The following DNAH3 variants were observed in gnomAD, a reference collection of about 807,000 sequenced individuals.
DNAH3 encodes dynein axonemal heavy chain 3, also known as axonemal beta dynein heavy chain 3.
A neutral mutation model predicts 432.5 loss-of-function variants in DNAH3; 332 were observed. The ratio of observed to expected loss-of-function variants is 0.77; its 90% CI spans 0.70 to 0.84. The LOEUF (loss-of-function observed/expected upper bound fraction) is 0.84. Ranked by LOEUF, DNAH3 falls within the 40% of genes least tolerant of loss-of-function variation. The pLI is 0.00. For missense variants in DNAH3, 4,861 were observed against 5,114.0 expected, an observed-to-expected ratio of 0.95 and a Z score of 1.51; for synonymous variants, 1,956 against 1,900.2, an observed-to-expected ratio of 1.03 and a Z score of -0.76.
chr16:21,030,705 T>C (rs1265401807), intron 37 of DNAH3, among the ~76,000 whole-genome samples: 2 of 152,226 alleles, frequency 1.3e-5, no homozygotes, highest in Admixed American at 6.5e-5. Context: ...ATTTTATTAC[T>C]ACCTTTCTAC....
intron 21 of DNAH3, among the ~76,000 whole-genome samples, 190 bp from the exon 22 acceptor site, chr16:21,071,016 G>A (rs575774096): frequency 6.6e-6 from 1 of 151,086 alleles, no homozygotes; most frequent in East Asian, 2.0e-4. Flanking sequence ...TCCCAAGTAG[G>A]TAGGACTACA....
intron 5 of DNAH3, among the ~76,000 whole-genome samples, chr16:21,138,363 G>A (rs965738798): frequency 2.6e-5 from 4 of 152,144 alleles, no homozygotes; most frequent in African/African-American, 9.7e-5. Context: ...AAGCTTTTCT[G>A]ATTTTAAGAA....
intron 53 of DNAH3, among the ~76,000 whole-genome samples, chr16:20,962,142 T>C (rs1414565138): frequency 7.9e-5 from 12 of 151,716 alleles, no homozygotes; most frequent in South Asian, 6.3e-4. Flanking sequence ...GCCTGGGCGA[T>C]AGAGCAAGAC....
intron 1 of DNAH3, among the ~76,000 whole-genome samples, chr16:21,152,794 G>A (rs1468311879): frequency 2.6e-5 from 4 of 152,230 alleles, no homozygotes; most frequent in African/African-American, 9.6e-5. Flanking sequence ...GCCCACCGGC[G>A]CTGCGCTCCA....
intron 31 of DNAH3, among the ~76,000 whole-genome samples, chr16:21,048,641 G>C (rs959845999): frequency 1.3e-5 from 2 of 151,912 alleles, no homozygotes; most frequent in African/African-American, 4.8e-5. Flanking sequence ...CGTCTTCTTC[G>C]TCGCTCACGC....
intron 24 of DNAH3, among the ~76,000 whole-genome samples, chr16:21,065,616 C>T (rs2090517251): frequency 6.6e-6 from 1 of 152,110 alleles, no homozygotes; most frequent in African/African-American, 2.4e-5. Flanking sequence ...AAGCTATTAG[C>T]CCCATGTGGC....
At chr16:20,987,161 G>C (rs1459202139) in intron 47 of DNAH3, 144 bp downstream of exon 47, 3 of 965,360 alleles carry the variant, frequency 3.1e-6, no homozygotes, top group Admixed American at 2.6e-5. Context: ...AAGTCAAAAA[G>C]AGCAGTTGAC....
At chr16:21,148,144 C>T (rs1346296971) in intron 1 of DNAH3, among the ~76,000 whole-genome samples, 1 of 152,112 alleles carries the variant, frequency 6.6e-6, no homozygotes, top group Non-Finnish European at 1.5e-5. Flanking sequence ...GGGCATATGA[C>T]TATTAGCTGT....
chr16:21,075,408 G>A (rs770641171), intron 21 of DNAH3, 39 bp downstream of exon 21: 1 of 1,350,950 alleles, frequency 7.4e-7, no homozygotes, highest in Non-Finnish European at 1.1e-6. Flanking sequence ...AATAAATGGG[G>A]CTGCTTTCAA....
chr16:21,018,539 T>G (rs946121836), intron 41 of DNAH3, among the ~76,000 whole-genome samples: 1 of 152,214 alleles, frequency 6.6e-6, no homozygotes, highest in African/African-American at 2.4e-5. Context: ...TTACAGTCAC[T>G]AAGTGATCAT....
chr16:21,091,806 ACT>A (rs1009159906), intron 18 of DNAH3, among the ~76,000 whole-genome samples: 4 of 151,724 alleles, frequency 2.6e-5, no homozygotes, highest in Non-Finnish European at 4.4e-5. Flanking sequence ...ACAGAATAAG[ACT>A]CTGTCTCAAA....
intron 43 of DNAH3, 63 bp from the exon 44 acceptor site, chr16:20,997,525 G>T: frequency 6.4e-7 from 1 of 1,555,680 alleles, no homozygotes; most frequent in Non-Finnish European, 8.8e-7. Flanking sequence ...TCTTACAGAG[G>T]TAACAGATGG....
intron 50 of DNAH3, among the ~76,000 whole-genome samples, chr16:20,975,779 CTG>C (rs907556383): frequency 8.1e-4 from 124 of 152,306 alleles, no homozygotes; most frequent in African/African-American, 2.8e-3. Flanking sequence ...GAGTCTCACT[CTG>C]TCACCCAGGC....
chr16:21,156,996 A>AACACACACACACACACACACACAC (rs34199213), intron 1 of DNAH3, among the ~76,000 whole-genome samples: 129 of 147,530 alleles, frequency 8.7e-4, no homozygotes, highest in African/African-American at 2.9e-3. Flanking sequence ...AATCTAAGGA[A>AACACACACACACACACACACACAC]ACACACACAC....
chr16:21,125,302 C>G, exon 9 of DNAH3: 2 of 1,613,452 alleles, frequency 1.2e-6, no homozygotes, highest in Non-Finnish European at 1.7e-6. Context: ...GTCATAGTTG[C>G]TCTTGGGAGC....
At chr16:21,097,252 A>G in intron 18 of DNAH3, 103 bp downstream of exon 18, 1 of 1,375,058 alleles carries the variant, frequency 7.3e-7, no homozygotes, top group Non-Finnish European at 1.0e-6. Flanking sequence ...AATCTGATTA[A>G]AAGTCCAGCC....
At chr16:21,136,872 C>T (rs1452480239) in intron 5 of DNAH3, among the ~76,000 whole-genome samples, 1 of 152,056 alleles carries the variant, frequency 6.6e-6, no homozygotes, top group East Asian at 1.9e-4. Flanking sequence ...TGGTGGCTTA[C>T]ACCTGTAATC....
intron 39 of DNAH3, among the ~76,000 whole-genome samples, chr16:21,023,982 A>G (rs768067200): frequency 3.9e-5 from 6 of 152,132 alleles, no homozygotes; most frequent in Non-Finnish European, 5.9e-5. Context: ...TTTCCTAAGC[A>G]TTCTATTAAC....
chr16:21,005,267 CTTCT>C (rs148872221), intron 41 of DNAH3, among the ~76,000 whole-genome samples: 2,004 of 146,228 alleles, frequency 0.014, 32 homozygotes, highest in African/African-American at 0.045. Context: ...CCTTCCCTCC[CTTCT>C]TTCTTTCTTT....
Sources: gnomAD v4.1 joint callset for allele counts (sites outside exome capture counted in the v4.1 genomes callset) on GRCh38, gnomAD v4.1.1 for gene constraint, MANE v1.5 for transcripts, NCBI Gene and HGNC (gene_info 2026-07-23, HGNC 2026-07-21) for gene names.